The following COMMD5 variants were observed in gnomAD, a reference collection of about 807,000 sequenced individuals.
COMMD5 encodes COMM domain containing 5.
In COMMD5, 10 loss-of-function variants were observed where a neutral mutation model predicts 6.9. That is an observed-to-expected ratio of 1.44 (90% CI 0.89 to 2.45). The LOEUF is 2.45. Among genes scored for constraint, COMMD5 ranks in the 30% most tolerant of loss-of-function variants. The pLI, the probability that COMMD5 is intolerant of heterozygous loss-of-function variation, is 0.00. For missense variants in COMMD5, 234 were observed against 287.8 expected, an observed-to-expected ratio of 0.81 and a Z score of 1.35; for synonymous variants, 127 against 125.3, an observed-to-expected ratio of 1.01 and a Z score of -0.09.
downstream of COMMD5, among the ~76,000 whole-genome samples, chr8:144,840,296 C>CG (rs1563837594): frequency 6.6e-6 from 1 of 152,242 alleles, no homozygotes; most frequent in African/African-American, 2.4e-5. Flanking sequence ...GCTTCCTGCT[C>CG]TGATTCTCCA....
intron 1 of COMMD5, among the ~76,000 whole-genome samples, chr8:144,851,647 G>A (rs188581583): frequency 1.3e-5 from 2 of 152,046 alleles, no homozygotes; most frequent in East Asian, 3.9e-4. Flanking sequence ...GTAGGGGGCA[G>A]GGAGGAGGAC....
At chr8:144,848,790 T>C (rs1335314806), downstream of COMMD5, among the ~76,000 whole-genome samples, 1 of 152,204 alleles carries the variant, frequency 6.6e-6, no homozygotes, top group African/African-American at 2.4e-5. Flanking sequence ...ATCCTGTGTG[T>C]GGCCTTGAGG....
chr8:144,841,539 A>G (rs1829908887), exon 2 of COMMD5: 1 of 1,614,062 alleles, frequency 6.2e-7, no homozygotes, highest in South Asian at 1.1e-5. Flanking sequence ...TGAAAGTGAC[A>G]GGCTTTACCT....
At chr8:144,843,329 C>A in intron 1 of COMMD5, 1 of 856,664 alleles carries the variant, frequency 1.2e-6, no homozygotes, top group Non-Finnish European at 1.7e-6. Context: ...GTGGCTTATG[C>A]CTGTCATCCC....
Position 144,851,080 on chromosome 8 carries a change from C to T in COMMD5, c.259G>A (p.Ala87Thr). 6.2e-7 allele frequency: 1 copy of T among 1,612,002 alleles called. No individual in the cohort carries two copies. Among genetic ancestry groups the T allele is most frequent in the Non-Finnish European group, 8.5e-7 (1 of 1,179,514 alleles). Residue 87 changes from alanine (A) to threonine (T), a missense_variant, in exon 2 of 2, where the codon GCA (alanine) becomes ACA (threonine). Coordinates refer to ENST00000305103, the MANE Select transcript of COMMD5 (RefSeq NM_014066.4). ...TGCTGGAGCAGTGTGTGCATGCCTG[C>T]CAGCAGGGCACCCAGCTGCTCCTCC... ...LPEEQLGALL[A>T]GMHTLLQQAL...
downstream of COMMD5, chr8:144,838,254 A>C: frequency 1.5e-6 from 1 of 645,692 alleles, no homozygotes; most frequent in South Asian, 1.7e-5. Context: ...ATGGTGGGTT[A>C]GGGGCCACCC....
At chr8:144,838,136 C>T (rs1357734795), downstream of COMMD5, 1 of 702,986 alleles carries the variant, frequency 1.4e-6, no homozygotes, top group African/African-American at 1.7e-5. Flanking sequence ...CCTTGGGTTC[C>T]TTGGCTTGTG....
chr8:144,846,679 G>C (rs1830525559), downstream of COMMD5: 1 of 154,124 alleles, frequency 6.5e-6, no homozygotes, highest in Admixed American at 6.4e-5. Flanking sequence ...TTAGATATTA[G>C]CCACGGAGGG....
intron 1 of COMMD5, among the ~76,000 whole-genome samples, chr8:144,844,522 AAC>A (rs1294732620): frequency 6.6e-6 from 1 of 151,710 alleles, no homozygotes; most frequent in Non-Finnish European, 1.5e-5. Flanking sequence ...CATCCTGGCT[AAC>A]ACAGTGAAAC....
At chr8:144,848,357 C>A (rs550482440), downstream of COMMD5, among the ~76,000 whole-genome samples, 18 of 151,940 alleles carry the variant, frequency 1.2e-4, no homozygotes, top group African/African-American at 3.9e-4. Context: ...GGAGGCCAGG[C>A]TCGGTGGCTC....
intron 1 of COMMD5, chr8:144,842,452 G>C: frequency 6.2e-7 from 1 of 1,614,154 alleles, no homozygotes; most frequent in Non-Finnish European, 8.5e-7. Context: ...GTGTACAAAA[G>C]CCTTTGGTTG....
Position 144,850,606 on chromosome 8 carries a change from G to C in COMMD5, c.*58C>G. On this transcript the variant is annotated 3_prime_UTR_variant, in exon 2 of 2. Coordinates refer to ENST00000305103, the MANE Select transcript of COMMD5 (RefSeq NM_014066.4). This position sits in a 1 kb window ranked among gnomAD's most constrained non-coding sequence, Gnocchi z 4.0. ...TCGTGGGAAGAGTCAGCTGCACTTT[G>C]GCACCATCTCAGGTGCCTGTCCAAG... The C allele has an allele frequency of 6.4e-7, 1 of 1,552,108 alleles. No homozygotes were observed. Among genetic ancestry groups the C allele is most frequent in the South Asian group, 1.2e-5 (1 of 83,888 alleles).
upstream of COMMD5, chr8:144,853,325 A>G: frequency 6.6e-6 from 1 of 152,176 alleles, no homozygotes; most frequent in Non-Finnish European, 1.5e-5. Context: ...GAGTGAGGGT[A>G]AAGCGGGAGA....
At chr8:144,838,962 A>ACCC (rs2130652749), downstream of COMMD5, 2 of 145,954 alleles carry the variant, frequency 1.4e-5, no homozygotes, top group Admixed American at 6.8e-5. Flanking sequence ...AAAAAAAAAA[A>ACCC]GCAGGGGCTG....
downstream of COMMD5, among the ~76,000 whole-genome samples, chr8:144,847,891 G>A (rs1464230141): frequency 6.6e-6 from 1 of 152,222 alleles, no homozygotes; most frequent in African/African-American, 2.4e-5. Context: ...GACAGGGCTG[G>A]CCTCTGCCCT....
chr8:144,838,288 A>G, downstream of COMMD5: 2 of 587,390 alleles, frequency 3.4e-6, no homozygotes, highest in South Asian at 4.1e-5. Context: ...GTGACTAATT[A>G]ATCTGCAACG....
intron 1 of COMMD5, chr8:144,843,034 T>G: frequency 6.2e-7 from 1 of 1,614,198 alleles, no homozygotes; most frequent in Non-Finnish European, 8.5e-7. Context: ...TGAGAAGATA[T>G]TTAGGTGGCG....
At chr8:144,842,008 A>C in intron 1 of COMMD5, 1 of 1,614,204 alleles carries the variant, frequency 6.2e-7, no homozygotes, top group South Asian at 1.1e-5. Flanking sequence ...AAGAATCCAC[A>C]CTGGGGAGAA....
At chr8:144,847,024 G>A (rs1226232299), downstream of COMMD5, 2 of 152,208 alleles carry the variant, frequency 1.3e-5, no homozygotes, top group Admixed American at 6.5e-5. Flanking sequence ...CTAGCTGCAC[G>A]ATGTGGAAAT....
Sources: allele counts gnomAD v4.1 joint callset (sites outside exome capture counted in the v4.1 genomes callset), GRCh38; gene constraint gnomAD v4.1.1; non-coding constraint Gnocchi (gnomAD v3.1); transcripts MANE v1.5; gene names NCBI Gene and HGNC (gene_info 2026-07-23, HGNC 2026-07-21).